Variants in RSU1 observed in about 807,000 individuals in gnomAD.
RSU1 encodes the protein Ras suppressor protein 1.
RSU1 carries 26 observed loss-of-function variants against 31.1 expected under a neutral mutation model. That is an observed-to-expected ratio of 0.84 (90% confidence interval 0.61 to 1.16). The LOEUF is 1.16. Among genes scored for constraint, RSU1 ranks in the 50% most tolerant of loss-of-function variants. RSU1 has a pLI of 0.00. For synonymous variants in RSU1, 164 were observed against 136.3 expected (o/e 1.20, Z -1.41); for missense variants, 320 against 339.1 (o/e 0.94, Z 0.44).
At chr10:16,738,869 C>T (rs570035606) in intron 7 of RSU1, among the ~76,000 whole-genome samples, 1 of 151,778 alleles carries the variant, frequency 6.6e-6, no homozygotes, top group South Asian at 2.1e-4. Context: ...TGCCCCCCAC[C>T]CCCCCAGCGG....
rs191101676 is a variant in RSU1 at position 16,667,056 on chromosome 10, A to C, written c.731+27967T>G. Among the ~76,000 whole-genome samples the C allele has an allele frequency of 1.7e-4, 25 of 145,694 alleles. No homozygotes were observed. The East Asian group carries it at 3.5e-3, about 21-fold the overall frequency. On this transcript the variant is annotated intron_variant, in intron 8 of 8. Transcript: ENST00000345264. ...ACAACAACAACAACAACAACAACAA[A>C]AAACAAAGAAAAAAACAAGTTATCT...
chr10:16,666,395 A>G (rs775525144), intron 8 of RSU1, among the ~76,000 whole-genome samples: 4 of 152,236 alleles, frequency 2.6e-5, no homozygotes, highest in Non-Finnish European at 4.4e-5. Flanking sequence ...CTGAACAAGG[A>G]CATCACAACT....
In RSU1 at chr10:16,753,018, A is replaced by G. The variant is rs764446949; in HGVS notation, c.401-18T>C. The G allele has an allele frequency of 5.0e-6, 8 of 1,602,076 alleles. No individual in the cohort carries two copies. Among genetic ancestry groups the G allele is most frequent in the South Asian group, 4.4e-5 (4 of 90,784 alleles). The stretch of plus-strand genomic sequence containing the variant: ...CAGGGTGGCTGCAAATTAAACAGCA[A>G]TATATAAACAGGGTGGCATGGAACA... On this transcript the variant is annotated intron_variant, in intron 5 of 8. Coordinates refer to ENST00000345264, the MANE Select transcript of RSU1 (RefSeq NM_012425.4).
chr10:16,673,492 C>T (rs1158621237), intron 8 of RSU1, among the ~76,000 whole-genome samples: 1 of 152,168 alleles, frequency 6.6e-6, no homozygotes, highest in Non-Finnish European at 1.5e-5. Context: ...TTTTTCTTAG[C>T]AATATAGGAA....
In RSU1 at chr10:16,632,461, T is replaced by TA. The variant is rs1257448467; in HGVS notation, c.732-38966dup. On this transcript the variant is annotated intron_variant, in intron 8 of 8. Transcript: ENST00000345264. ...GTCTTACAAAACCCGAGAGACCTTT[T>TA]AAAAAAAAGCTCCTAATTATGATTC... is the stretch of plus-strand genomic sequence containing the variant. Among the ~76,000 whole-genome samples, 6 of 151,986 alleles carry TA rather than the reference T, an allele frequency of 3.9e-5. No individual in the cohort carries two copies. In the South Asian group the frequency reaches 6.3e-4, roughly 16 times the overall value.
intron 8 of RSU1, among the ~76,000 whole-genome samples, chr10:16,599,087 A>T (rs1833669726): frequency 6.6e-6 from 1 of 152,164 alleles, no homozygotes; most frequent in African/African-American, 2.4e-5. Context: ...TCTGAAGCTA[A>T]CACTCGTGGC....
At chr10:16,611,925 C>A (rs1217854022) in intron 8 of RSU1, among the ~76,000 whole-genome samples, 1 of 152,170 alleles carries the variant, frequency 6.6e-6, no homozygotes, top group Non-Finnish European at 1.5e-5. Flanking sequence ...GAAATTCATT[C>A]GTGATTCTTG....
chr10:16,706,014 C>T (rs1309940767), intron 7 of RSU1, among the ~76,000 whole-genome samples: 1 of 152,190 alleles, frequency 6.6e-6, no homozygotes, highest in Non-Finnish European at 1.5e-5. Context: ...CAAATGTAAA[C>T]ACCATATTTT....
intron 4 of RSU1, among the ~76,000 whole-genome samples, chr10:16,756,395 C>T (rs145262540): frequency 1.9e-3 from 284 of 152,262 alleles, no homozygotes; most frequent in Middle Eastern, 6.8e-3. Context: ...GTTTGAACTT[C>T]CTGGGTCCAA....
chr10:16,803,364 A>C (rs1164596883), intron 2 of RSU1, among the ~76,000 whole-genome samples: 3 of 152,186 alleles, frequency 2.0e-5, no homozygotes, highest in African/African-American at 2.4e-5. Context: ...AAAGACCTAA[A>C]TAAACAATGA....
At chr10:16,707,431 G>A (rs991766337) in intron 7 of RSU1, among the ~76,000 whole-genome samples, 5 of 152,068 alleles carry the variant, frequency 3.3e-5, no homozygotes, top group African/African-American at 1.2e-4. Flanking sequence ...CTGGAGTGAG[G>A]TGGTATTTTA....
chr10:16,701,273 T>C (rs1317383494), intron 7 of RSU1, among the ~76,000 whole-genome samples: 1 of 152,220 alleles, frequency 6.6e-6, no homozygotes. Flanking sequence ...GTATAGCCTA[T>C]TGCAGTGAAC....
chr10:16,604,398 C>G (rs1833765648), intron 8 of RSU1, among the ~76,000 whole-genome samples: 1 of 152,114 alleles, frequency 6.6e-6, no homozygotes, highest in Non-Finnish European at 1.5e-5. Context: ...CAGTAGGGAC[C>G]AGCGGCTGTG....
intron 2 of RSU1, among the ~76,000 whole-genome samples, chr10:16,816,627 C>G (rs1435895789): frequency 6.6e-6 from 1 of 152,192 alleles, no homozygotes; most frequent in African/African-American, 2.4e-5. Context: ...TGGACAAAGA[C>G]TGTATTAGGA....
At chr10:16,811,769 G>T (rs914946810) in intron 2 of RSU1, among the ~76,000 whole-genome samples, 3 of 152,192 alleles carry the variant, frequency 2.0e-5, no homozygotes, top group Non-Finnish European at 2.9e-5. Context: ...AAGCCTGCAG[G>T]AAGGAGACAG....
intron 8 of RSU1, among the ~76,000 whole-genome samples, chr10:16,623,432 C>G (rs1834104453): frequency 6.6e-6 from 1 of 152,160 alleles, no homozygotes. Flanking sequence ...AAATCCAGCA[C>G]CGATGGGCAC....
intron 8 of RSU1, among the ~76,000 whole-genome samples, chr10:16,680,074 G>C (rs754873559): frequency 9.2e-5 from 14 of 151,800 alleles, no homozygotes; most frequent in Non-Finnish European, 1.5e-4. Flanking sequence ...TAGAGATGGG[G>C]TTTCACCATG....
chr10:16,630,637 T>C (rs760859300), intron 8 of RSU1, among the ~76,000 whole-genome samples: 27 of 152,336 alleles, frequency 1.8e-4, no homozygotes, highest in Non-Finnish European at 3.8e-4. Context: ...CCTGGCAGCT[T>C]TGTTCACACC....
chr10:16,757,991 C>T (rs1403021017), intron 4 of RSU1, among the ~76,000 whole-genome samples: 4 of 152,180 alleles, frequency 2.6e-5, no homozygotes, highest in Non-Finnish European at 5.9e-5. Flanking sequence ...CAATCTTCAG[C>T]CCAGAGCAAG....
Sources: gnomAD v4.1 joint callset for allele counts (sites outside exome capture counted in the v4.1 genomes callset) on GRCh38, gnomAD v4.1.1 for gene constraint, MANE v1.5 for transcripts, NCBI Gene and HGNC (gene_info 2026-07-23, HGNC 2026-07-21) for gene names.